The following KCNA4 variants were observed in gnomAD, a reference collection of about 807,000 sequenced individuals.
The protein encoded by KCNA4 is cardiac potassium channel.
In KCNA4, 5 loss-of-function variants were observed where a neutral mutation model predicts 37.2. The ratio of observed to expected loss-of-function variants is 0.13; its 90% CI spans 0.07 to 0.28. The LOEUF is 0.28. Ranked by LOEUF, KCNA4 falls within the 10% of genes least tolerant of loss-of-function variation. The probability of loss-of-function intolerance (pLI) is 1.00; values close to 1 mark genes in which losing one functional copy is unlikely to be tolerated. For missense variants in KCNA4, 634 were observed against 817.4 expected, an observed-to-expected ratio of 0.78 and a Z score of 2.74; for synonymous variants, 350 against 311.8, an observed-to-expected ratio of 1.12 and a Z score of -1.29.
rs1237825811 is a variant in KCNA4, at chr11:30,009,923, C to T, written c.*794G>A. ...GTCATTGAACTGTTACATTAGTAAACATTCACAGTTTGAAGTCTCTCTCAA... is the reference window on the plus strand; with the variant it reads ...GTCATTGAACTGTTACATTAGTAAATATTCACAGTTTGAAGTCTCTCTCAA... On this transcript the variant is annotated 3_prime_UTR_variant, in exon 2 of 2. Coordinates refer to ENST00000328224, the MANE Select transcript of KCNA4 (RefSeq NM_002233.4). 1 of 152,050 alleles carries T rather than the reference C, an allele frequency of 6.6e-6. No homozygotes were observed. The highest frequency in any genetic ancestry group is 1.9e-4 in the East Asian group (1 of 5,184). 9.4% of individuals were successfully genotyped at this position (152,050 alleles called of 1,614,324 possible).
intron 1 of KCNA4, among the ~76,000 whole-genome samples, chr11:30,015,823 T>C (rs180771906): frequency 6.6e-6 from 1 of 152,156 alleles, no homozygotes; most frequent in African/African-American, 2.4e-5. Context: ...ATTTGTCTTC[T>C]TCTTTAACAC....
Position 30,016,802 on chromosome 11 carries a change from TG to T in KCNA4, c.-1014del. On this transcript the variant is annotated 5_prime_UTR_variant, in exon 1 of 2. Transcript: ENST00000328224. ...AGTCCTCGCGGCTGGAGCCTGGGGG[TG>T]GGGGTTGGGGCTGCCCCAGAGAAGA... The T allele has an allele frequency of 2.6e-6, 1 of 382,300 alleles. No individual in the cohort carries two copies. The allele number at this position is 382,300 out of a possible 1,614,324, so 23.7% of individuals were successfully genotyped here. A position where few individuals can be genotyped will look rare whatever the true frequency, so the allele number is the denominator to read the frequency against.
At position 30,012,879 on chromosome 11, in the gene KCNA4, A is replaced by G. The variant is rs1036725760; in HGVS notation, c.-201T>C. 13 of 671,552 alleles carry G rather than the reference A, an allele frequency of 1.9e-5. No individual in the cohort carries two copies. The highest frequency in any genetic ancestry group is 4.3e-4 in the Middle Eastern group (1 of 2,310). 41.6% of individuals were successfully genotyped at this position (671,552 alleles called of 1,614,324 possible). A position where few individuals can be genotyped will look rare whatever the true frequency, so the allele number is the denominator to read the frequency against. ...CATGCTCTCTCTTCTCAGGGATTCA[A>G]CATTGCTCTCCAGAGCTTGGCTGGT... On this transcript the variant is annotated 5_prime_UTR_variant, in exon 2 of 2. Transcript: ENST00000328224.
Position 30,012,186 on chromosome 11 carries a change from C to T in KCNA4, c.493G>A (p.Gly165Ser), listed in dbSNP as rs747368709. Residue 165 changes from glycine (G) to serine (S), a missense_variant, in exon 2 of 2, where the codon GGC becomes AGC. Transcript: ENST00000328224. ...DLLPQDEGGG[G>S]YSSVRYSDCC... ...TCACTGTAGCGGACTGAACTGTAGC[C>T]GCCACCGCCCTCATCCTGAGGCAGC... 6 of 1,614,148 alleles carry T rather than the reference C, an allele frequency of 3.7e-6. No homozygotes were observed. Among genetic ancestry groups the T allele is most frequent in the South Asian group, 1.1e-5 (1 of 91,078 alleles).
chr11:30,010,525 C>T lies in KCNA4; in HGVS notation c.*192G>A. 1.1e-6 allele frequency: 1 copy of T among 905,022 alleles called. No individual in the cohort carries two copies. The highest frequency in any genetic ancestry group is 1.5e-6 in the Non-Finnish European group (1 of 645,600). 56.1% of individuals were successfully genotyped at this position (905,022 alleles called of 1,614,324 possible). On this transcript the variant is annotated 3_prime_UTR_variant, in exon 2 of 2. Coordinates refer to ENST00000328224, the MANE Select transcript of KCNA4 (RefSeq NM_002233.4). ...AAGATAGATTTGCTCCTATTCCTCC[C>T]TCTTCTCCAAGATGTATCATTTATT...
rs1160279214 is a variant in KCNA4 at position 30,010,929 on chromosome 11, C to A, written c.1750G>T (p.Val584Phe). The stretch of plus-strand genomic sequence containing the variant: ...TTAGAGGGGAGGTATGGACAACTGA[C>A]TGCATTCTGCGTTAGCTGTGTCTGT... Reference protein sequence around the residue: ...EEQTQLTQNAVSCPYLPSNLL... With the variant: ...EEQTQLTQNAFSCPYLPSNLL... The change falls in exon 2 of 2, where the codon GTC becomes TTC. Residue 584 changes from valine (V) to phenylalanine (F), a missense_variant. Physicochemically the swap from Val to Phe is conservative, Grantham distance 50. Transcript: ENST00000328224. 1.2e-6 allele frequency: 2 copies of A among 1,614,086 alleles called. No individual in the cohort carries two copies. Among genetic ancestry groups the A allele is most frequent in the Admixed American group, 3.3e-5 (2 of 60,010 alleles).
chr11:30,012,855 A>G lies in KCNA4; in HGVS notation c.-177T>C. ...TTCTGTTTTTAAATCAGCACGCCCC[A>G]TGCTCTCTCTTCTCAGGGATTCAAC... On this transcript the variant is annotated 5_prime_UTR_variant, in exon 2 of 2. An upstream start codon of the reference 5' UTR is lost. Coordinates refer to ENST00000328224, the MANE Select transcript of KCNA4 (RefSeq NM_002233.4). The G allele has an allele frequency of 1.2e-6, 1 of 843,450 alleles. No individual in the cohort carries two copies. The highest frequency in any genetic ancestry group is 2.6e-5 in the South Asian group (1 of 38,198). The allele number at this position is 843,450 out of a possible 1,614,324, so 52.2% of individuals were successfully genotyped here.
chr11:30,011,338 A>T lies in KCNA4; in HGVS notation c.1341T>A (p.Arg447=). 6.2e-7 allele frequency: 1 copy of T among 1,614,178 alleles called. No homozygotes were observed. Among genetic ancestry groups the T allele is most frequent in the Non-Finnish European group, 8.5e-7 (1 of 1,180,032 alleles). The part of the protein sequence containing the change: ...AMSFAILRII[R]LVRVFRIFKL... Reference sequence around the variant, plus strand: ...TGAAGATCCGGAATACTCGGACCAGACGAATGATTCTGAGGATGGCAAAGG... The same window carrying T: ...TGAAGATCCGGAATACTCGGACCAGTCGAATGATTCTGAGGATGGCAAAGG... The change falls in exon 2 of 2, where the codon CGT becomes CGA. Residue 447 remains arginine, a synonymous_variant. Transcript: ENST00000328224. The surrounding 1 kb of genome is among the most constrained non-coding windows in gnomAD (Gnocchi z 5.6).
chr11:30,011,553 T>C lies in KCNA4; in HGVS notation c.1126A>G (p.Thr376Ala). 6.2e-7 allele frequency: 1 copy of C among 1,614,070 alleles called. No individual in the cohort carries two copies. ...IFNDPFFIVE[T>A]VCIVWFSFEF... ...AAGGAAAACCATACAATACAGACTGTTTCCACGATGAAGAAGGGGTCATTG... is the reference window on the plus strand; with the variant it reads ...AAGGAAAACCATACAATACAGACTGCTTCCACGATGAAGAAGGGGTCATTG... The change falls in exon 2 of 2, where the codon ACA becomes GCA. Residue 376 changes from threonine to alanine, a missense_variant. Thr to Ala is a moderately conservative substitution (Grantham distance 58). Coordinates refer to ENST00000328224, the MANE Select transcript of KCNA4 (RefSeq NM_002233.4). The surrounding 1 kb of genome is among the most constrained non-coding windows in gnomAD (Gnocchi z 5.6).
Position 30,011,811 on chromosome 11 carries a change from T to C in KCNA4, c.868A>G (p.Lys290Glu). ...EDRALPENEF[K>E]KQIWLLFEYP... ...TCAAAGAGGAGCCAAATCTGCTTTT[T>C]AAATTCATTCTCGGGGAGGGCCCTG... Residue 290 changes from lysine (K) to glutamate (E), a missense_variant, in exon 2 of 2, where the codon AAA (lysine) becomes GAA (glutamate). Physicochemically the swap from Lys to Glu is moderately conservative, Grantham distance 56. Coordinates refer to ENST00000328224, the MANE Select transcript of KCNA4 (RefSeq NM_002233.4). The surrounding 1 kb of genome is among the most constrained non-coding windows in gnomAD (Gnocchi z 5.6). 6 of 1,614,044 alleles carry C rather than the reference T, an allele frequency of 3.7e-6. No homozygotes were observed. The highest frequency in any genetic ancestry group is 5.1e-6 in the Non-Finnish European group (6 of 1,179,982).
At position 30,011,664 on chromosome 11, in the gene KCNA4, C is replaced by T. The variant is rs768170996; in HGVS notation, c.1015G>A (p.Val339Ile). The change falls in exon 2 of 2, where the codon GTC becomes ATC. Residue 339 changes from valine (V) to isoleucine (I), a missense_variant. Around this residue, in one of 8 missense-constraint regions of KCNA4, gnomAD observed 252 missense variants for 344.2 expected, o/e 0.73. Coordinates refer to ENST00000328224, the MANE Select transcript of KCNA4 (RefSeq NM_002233.4). The surrounding 1 kb of genome is among the most constrained non-coding windows in gnomAD (Gnocchi z 5.6). Reference sequence around the variant, plus strand: ...TGCCCGCCAGCACTCAGTGCCATGACGAGATCCCTGTCGTCCCTAAACTCA... The same window carrying T: ...TGCCCGCCAGCACTCAGTGCCATGATGAGATCCCTGTCGTCCCTAAACTCA... ...LPEFRDDRDL[V>I]MALSAGGHGG... is the part of the protein sequence containing the mutation. 2.0e-5 allele frequency: 33 copies of T among 1,614,058 alleles called. No individual in the cohort carries two copies. The Middle Eastern group carries it at 4.9e-4, about 24-fold the overall frequency.
intron 1 of KCNA4, among the ~76,000 whole-genome samples, chr11:30,015,485 G>A (rs1272271139): frequency 6.6e-6 from 1 of 151,666 alleles, no homozygotes; most frequent in Non-Finnish European, 1.5e-5. Flanking sequence ...TCAGCTCTTC[G>A]GGAGTTCTAG....
In KCNA4 at chr11:30,016,001, T is replaced by TAG. The variant is rs148265239; in HGVS notation, c.-783+569_-783+570dup. On this transcript the variant is annotated intron_variant, in intron 1 of 1. Coordinates refer to ENST00000328224, the MANE Select transcript of KCNA4 (RefSeq NM_002233.4). ...CACTGTCAGGGTGGTACCTGAACCT[T>TAG]AGAGAGAGAGAGAGAGAGAAAGAGA... Among the ~76,000 whole-genome samples, 1,466 of 148,360 alleles carry TAG rather than the reference T, an allele frequency of 9.9e-3. 23 individuals carry two copies. The highest frequency in any genetic ancestry group is 0.033 in the African/African-American group (1,355 of 40,490).
chr11:30,015,641 C>T (rs924511928), intron 1 of KCNA4, among the ~76,000 whole-genome samples: 1 of 152,038 alleles, frequency 6.6e-6, no homozygotes, highest in African/African-American at 2.4e-5. Flanking sequence ...ACTTCACTAT[C>T]CCTGATCTAG....
chr11:30,012,786 G>A lies in KCNA4; in HGVS notation c.-108C>T. 1 of 1,453,576 alleles carries A rather than the reference G, an allele frequency of 6.9e-7. No homozygotes were observed. Among genetic ancestry groups the A allele is most frequent in the Admixed American group, 2.5e-5 (1 of 39,238 alleles). 90.0% of individuals were successfully genotyped at this position (1,453,576 alleles called of 1,614,324 possible). A position where few individuals can be genotyped will look rare whatever the true frequency, so the allele number is the denominator to read the frequency against. ...AAGGTAAGTTTGGAACCCTTAAGCA[G>A]ATTGCTTGGAAGACTAAGGATATTT... On this transcript the variant is annotated 5_prime_UTR_variant, in exon 2 of 2. Transcript: ENST00000328224.
rs1444435601 is a variant in KCNA4 at position 30,012,500 on chromosome 11, C to A, written c.179G>T (p.Gly60Val). ...GCGTGACTGGTGGTGGTGGTGGGAG[C>A]CCCCACCAGAACCCCCGCTACCTTC... ...AVEGSGGSGG[G>V]SHHHHQSRGA... Residue 60 changes from glycine to valine, a missense_variant, in exon 2 of 2, where the codon GGC (glycine) becomes GTC (valine). Gly to Val is a moderately radical substitution (Grantham distance 109, BLOSUM62 -3). Around this residue, in one of 8 missense-constraint regions of KCNA4, gnomAD observed 236 missense variants for 229.5 expected, o/e 1.03. Transcript: ENST00000328224. The A allele has an allele frequency of 6.2e-7, 1 of 1,609,904 alleles. No individual in the cohort carries two copies.
chr11:30,016,935 T>G lies in KCNA4; in HGVS notation c.-1146A>C. On this transcript the variant is annotated 5_prime_UTR_variant, in exon 1 of 2. Transcript: ENST00000328224. ...CAAAATCCTAGACAGCAGCGATCAC[T>G]TGTTAAGCCCGAATTCCTCCTCCAA... 5.0e-6 allele frequency: 2 copies of G among 398,846 alleles called. No individual in the cohort carries two copies. Among genetic ancestry groups the G allele is most frequent in the Non-Finnish European group, 8.8e-6 (2 of 226,252 alleles). 24.7% of individuals were successfully genotyped at this position (398,846 alleles called of 1,614,324 possible).
chr11:30,016,012 A>C (rs917736632), intron 1 of KCNA4, among the ~76,000 whole-genome samples: 1 of 151,890 alleles, frequency 6.6e-6, no homozygotes, highest in Non-Finnish European at 1.5e-5. Context: ...AGAGAGAGAG[A>C]GAGAGAGAAA....
In KCNA4 at chr11:30,016,901, G is replaced by A. The variant is rs1302908184; in HGVS notation, c.-1112C>T. Reference sequence around the variant, plus strand: ...TGGGAAAGGAAGTCAAGGTTCCCCCGAAAAGAAACAAAATCCTAGACAGCA... The same window carrying A: ...TGGGAAAGGAAGTCAAGGTTCCCCCAAAAAGAAACAAAATCCTAGACAGCA... On this transcript the variant is annotated 5_prime_UTR_variant, in exon 1 of 2. Transcript: ENST00000328224. 2.5e-6 allele frequency: 1 copy of A among 398,802 alleles called. No individual in the cohort carries two copies. Among genetic ancestry groups the A allele is most frequent in the Middle Eastern group, 6.3e-4 (1 of 1,590 alleles). The allele number at this position is 398,802 out of a possible 1,614,324, so 24.7% of individuals were successfully genotyped here. A position where few individuals can be genotyped will look rare whatever the true frequency, so the allele number is the denominator to read the frequency against.
Sources: allele counts gnomAD v4.1 joint callset (sites outside exome capture counted in the v4.1 genomes callset), GRCh38; gene constraint gnomAD v4.1.1; regional missense constraint gnomAD v4.1.1; non-coding constraint Gnocchi (gnomAD v3.1); transcripts MANE v1.5; gene names NCBI Gene and HGNC (gene_info 2026-07-23, HGNC 2026-07-21).